CEP128: variants seen among roughly 807,000 people sequenced by gnomAD.
CEP128 encodes centrosomal protein 128.
A neutral mutation model predicts 156.7 loss-of-function variants in CEP128; 132 were observed. That is an observed-to-expected ratio of 0.84 (90% CI 0.73 to 0.97). The LOEUF (loss-of-function observed/expected upper bound fraction) is 0.97, where lower values mean the gene tolerates loss of function less well. Among genes scored for constraint, CEP128 ranks in the 50% least tolerant of loss-of-function variants. The pLI is 0.00. For synonymous variants in CEP128, 469 were observed against 448.9 expected, an observed-to-expected ratio of 1.04 and a Z score of -0.57; for missense variants, 1,252 against 1,281.9, an observed-to-expected ratio of 0.98 and a Z score of 0.36.
chr14:80,483,606 CA>C (rs1887099879), intron 14 of CEP128, among the ~76,000 whole-genome samples: 1 of 152,134 alleles, frequency 6.6e-6, no homozygotes, highest in Non-Finnish European at 1.5e-5. Context: ...CTACCAAAAC[CA>C]GTTAATAAAC....
intron 4 of CEP128, 150 bp from the exon 5 acceptor site, chr14:80,906,231 A>G: frequency 3.5e-6 from 2 of 578,930 alleles, no homozygotes; most frequent in Non-Finnish European, 5.7e-6. Flanking sequence ...TTATGTTTAA[A>G]ATATAAAAAT....
chr14:80,939,978 C>T (rs541390162), intron 1 of CEP128, among the ~76,000 whole-genome samples: 3 of 152,304 alleles, frequency 2.0e-5, no homozygotes, highest in South Asian at 4.1e-4. Flanking sequence ...TCTTCCCATA[C>T]TCAGTGCTAC....
chr14:80,902,131 GC>G (rs1324819001), intron 6 of CEP128, among the ~76,000 whole-genome samples: 3 of 152,122 alleles, frequency 2.0e-5, no homozygotes, highest in African/African-American at 7.2e-5. Flanking sequence ...GTAGCCCTAT[GC>G]ATCTTTCCAC....
chr14:80,588,011 G>T (rs796415737), intron 19 of CEP128, among the ~76,000 whole-genome samples: 23 of 152,168 alleles, frequency 1.5e-4, no homozygotes, highest in African/African-American at 5.5e-4. Flanking sequence ...CTGGGTATTT[G>T]ACTTACTCTT....
intron 23 of CEP128, among the ~76,000 whole-genome samples, chr14:80,505,369 A>C (rs1459733354): frequency 6.6e-6 from 1 of 152,160 alleles, no homozygotes; most frequent in African/African-American, 2.4e-5. Context: ...TATACTATCT[A>C]GTGGATATAC....
chr14:80,888,433 C>T (rs150646310), intron 8 of CEP128, among the ~76,000 whole-genome samples: 11 of 152,244 alleles, frequency 7.2e-5, no homozygotes, highest in African/African-American at 1.7e-4. Flanking sequence ...TTATCCACCA[C>T]GATCAAGTTA....
chr14:80,724,763 T>C (rs1266673852), intron 19 of CEP128, among the ~76,000 whole-genome samples: 1 of 151,936 alleles, frequency 6.6e-6, no homozygotes, highest in East Asian at 1.9e-4. Context: ...TGTTTATAAA[T>C]GTGTTTTACC....
At chr14:80,530,674 T>C in intron 22 of CEP128, 135 bp downstream of exon 22, 1 of 487,546 alleles carries the variant, frequency 2.1e-6, no homozygotes, top group Non-Finnish European at 3.7e-6. Context: ...TAAACCCTGA[T>C]AAGGTGGTAT....
At chr14:80,742,063 T>A (rs1249378863) in intron 19 of CEP128, among the ~76,000 whole-genome samples, 1 of 152,204 alleles carries the variant, frequency 6.6e-6, no homozygotes, top group African/African-American at 2.4e-5. Flanking sequence ...TAATTATTTA[T>A]AAGTCCTCAA....
chr14:80,938,889 G>A lies in CEP128; in HGVS notation c.-16+496C>T, dbSNP rs565945059. ...GGTCCACTTAATCCAAAAATGTTAA[G>A]TGTGAATCAAATTCTATTAGAGGGC... On this transcript the variant is annotated intron_variant, in intron 2 of 24. Transcript: ENST00000555265. 1.1e-3 allele frequency among the ~76,000 whole-genome samples: 172 copies of A among 152,324 alleles called. 2 individuals carry two copies. The highest frequency in any genetic ancestry group is 1.7e-3 in the South Asian group (8 of 4,826).
chr14:80,484,536 A>C (rs900186422), intron 14 of CEP128, among the ~76,000 whole-genome samples: 1 of 152,234 alleles, frequency 6.6e-6, no homozygotes, highest in African/African-American at 2.4e-5. Flanking sequence ...TTGATCAAAC[A>C]TTTAGGTAAA....
At position 80,677,504 on chromosome 14, in the gene CEP128, G is replaced by A. The variant is rs1257202276; in HGVS notation, c.2806+65571C>T. Among the ~76,000 whole-genome samples the A allele has an allele frequency of 6.8e-4, 10 of 14,774 alleles. 1 individual carries two copies. In the South Asian group the frequency reaches 9.7e-3, roughly 14 times the overall value. The allele number at this position is 14,774 out of a possible 152,430, so 9.7% of individuals were successfully genotyped here. A position where few individuals can be genotyped will look rare whatever the true frequency, so the allele number is the denominator to read the frequency against. On this transcript the variant is annotated intron_variant, in intron 19 of 24. Transcript: ENST00000555265. The stretch of plus-strand genomic sequence containing the variant: ...AGCCTGGGCGACACAGCAAGACTCC[G>A]TCTCAAAAAAAAAAAAAAAAAAATT...
At chr14:80,500,360 G>A (rs188824901) in intron 24 of CEP128, among the ~76,000 whole-genome samples, 15 of 152,242 alleles carry the variant, frequency 9.9e-5, no homozygotes, top group South Asian at 2.1e-4. Flanking sequence ...ACTGTTCTGT[G>A]GGCCCAGAAA....
At chr14:80,721,635 T>A (rs1897821314) in intron 19 of CEP128, among the ~76,000 whole-genome samples, 1 of 152,222 alleles carries the variant, frequency 6.6e-6, no homozygotes, top group Non-Finnish European at 1.5e-5. Context: ...AAACTATACA[T>A]GTAGCTCATG....
At chr14:80,490,113 T>C (rs1017914566), downstream of CEP128, among the ~76,000 whole-genome samples, 1 of 152,104 alleles carries the variant, frequency 6.6e-6, no homozygotes, top group African/African-American at 2.4e-5. Context: ...TTATCAATTA[T>C]ATTTAAGGGG....
chr14:80,950,390 A>C (rs1207143037), intron 2 of CEP128, among the ~76,000 whole-genome samples: 4 of 152,192 alleles, frequency 2.6e-5, no homozygotes, highest in African/African-American at 7.2e-5. Flanking sequence ...CAAGGCAATT[A>C]TTGTATTTTA....
At chr14:80,479,444 G>C (rs1887008436) in intron 14 of CEP128, among the ~76,000 whole-genome samples, 1 of 152,082 alleles carries the variant, frequency 6.6e-6, no homozygotes, top group Non-Finnish European at 1.5e-5. Flanking sequence ...CTTCTTACAT[G>C]GTAGCAGCAA....
chr14:80,829,329 G>GA (rs915482237), intron 13 of CEP128, among the ~76,000 whole-genome samples: 61 of 151,558 alleles, frequency 4.0e-4, no homozygotes, highest in Admixed American at 1.9e-3. Context: ...ATGGCAACTG[G>GA]AAAAAAAAAT....
chr14:80,649,415 A>T (rs1470545372), intron 19 of CEP128, among the ~76,000 whole-genome samples: 1 of 152,116 alleles, frequency 6.6e-6, no homozygotes, highest in Non-Finnish European at 1.5e-5. Context: ...TATTAATGCA[A>T]TGGAGAAAAT....
Sources: gnomAD v4.1 joint callset for allele counts (sites outside exome capture counted in the v4.1 genomes callset) on GRCh38, gnomAD v4.1.1 for gene constraint, MANE v1.5 for transcripts, NCBI Gene and HGNC (gene_info 2026-07-23, HGNC 2026-07-21) for gene names.